TNIK: variants seen among roughly 807,000 people sequenced by gnomAD.
TNIK encodes the protein TRAF2 and NCK interacting kinase, also known as TRAF2 and NCK-interacting protein kinase.
Under a neutral mutation model 191.3 loss-of-function variants are expected in TNIK, and 49 were observed. The ratio of observed to expected loss-of-function variants is 0.26; its 90% CI spans 0.20 to 0.32. The LOEUF (loss-of-function observed/expected upper bound fraction) is 0.32, where lower values mean the gene tolerates loss of function less well. TNIK is among the 10% of genes least tolerant of loss of function. The pLI, the probability that TNIK is intolerant of heterozygous loss-of-function variation, is 1.00. For missense variants in TNIK, 1,155 were observed against 1,702.3 expected (o/e 0.68, Z 5.66); for synonymous variants, 594 against 600.9 (o/e 0.99, Z 0.17).
At position 171,087,366 on chromosome 3, in the gene TNIK, G is replaced by C; in HGVS notation, c.2862C>G (p.Ser954=). The C allele has an allele frequency of 6.2e-7, 1 of 1,613,922 alleles. No individual in the cohort carries two copies. Among genetic ancestry groups the C allele is most frequent in the Non-Finnish European group, 8.5e-7 (1 of 1,179,892 alleles). Residue 954 remains serine, a synonymous_variant, in exon 24 of 33, where the codon TCC becomes TCG. Transcript: ENST00000436636. ...CTTCAGTCCCAGAGTCCATCTCCTG[G>C]GAATGGGTTGAGACGCGCCCCAGTC... ...TEGLGRVSTH[S]QEMDSGTEYG...
chr3:171,360,821 C>T (rs546222008), intron 2 of TNIK, among the ~76,000 whole-genome samples: 14 of 152,334 alleles, frequency 9.2e-5, no homozygotes, highest in Non-Finnish European at 1.5e-4. Context: ...TCCCACAGCC[C>T]CCACAGATTT....
At chr3:171,099,375 A>ATT (rs35357404) in intron 22 of TNIK, among the ~76,000 whole-genome samples, 3,622 of 145,696 alleles carry the variant, frequency 0.025, 118 homozygotes, top group South Asian at 0.081. Flanking sequence ...TTACCTCAGG[A>ATT]TTTTTTTTTT....
rs747448096 is a variant in TNIK, at chr3:171,084,279, A to G, written c.3045T>C (p.Asn1015=). The G allele has an allele frequency of 6.2e-7, 1 of 1,613,870 alleles. No individual in the cohort carries two copies. Among genetic ancestry groups the G allele is most frequent in the South Asian group, 1.1e-5 (1 of 91,066 alleles). Residue 1015 remains asparagine, a synonymous_variant, in exon 26 of 33, where the codon AAT becomes AAC. Coordinates refer to ENST00000436636, the MANE Select transcript of TNIK (RefSeq NM_015028.4). ...ELLRQEQAKL[N]EARKISVVNV... ...TTACCACCGAAATCTTTCTTGCTTC[A>G]TTGAGTTTGGCCTGTTCTTGCCTAA...
At chr3:171,454,237 C>T (rs975332340) in intron 1 of TNIK, among the ~76,000 whole-genome samples, 1 of 152,114 alleles carries the variant, frequency 6.6e-6, no homozygotes, top group East Asian at 1.9e-4. Flanking sequence ...ATCACAGGAG[C>T]GCCTGGCTGG....
intron 1 of TNIK, among the ~76,000 whole-genome samples, chr3:171,441,011 C>T (rs987582347): frequency 5.3e-5 from 8 of 152,078 alleles, no homozygotes; most frequent in Middle Eastern, 3.2e-3. Context: ...ATGACAAGCG[C>T]TTCAGAATAA....
At chr3:171,185,178 CGTGTGTGTGTGTGTGTGTGT>C (rs148499254) in intron 7 of TNIK, among the ~76,000 whole-genome samples, 2 of 145,872 alleles carry the variant, frequency 1.4e-5, no homozygotes, top group African/African-American at 5.0e-5. Context: ...ATAGATTTCC[CGTGTGTGTGTGTGTGTGTGT>C]GTGTGTGTGT....
At chr3:171,278,492 A>G (rs1750038932) in intron 2 of TNIK, among the ~76,000 whole-genome samples, 1 of 152,216 alleles carries the variant, frequency 6.6e-6, no homozygotes, top group Non-Finnish European at 1.5e-5. Flanking sequence ...AAAAGATAAA[A>G]AAAATTTAAA....
chr3:171,233,270 A>G (rs930220356), intron 2 of TNIK, among the ~76,000 whole-genome samples: 1 of 152,012 alleles, frequency 6.6e-6, no homozygotes, highest in African/African-American at 2.4e-5. Flanking sequence ...ACAGAATACT[A>G]TCCCAACCCC....
intron 2 of TNIK, among the ~76,000 whole-genome samples, chr3:171,357,651 G>C (rs1336121477): frequency 6.6e-6 from 1 of 151,476 alleles, no homozygotes; most frequent in African/African-American, 2.4e-5. Context: ...TGGAATAGGA[G>C]ACAGCCAGAC....
Position 171,101,744 on chromosome 3 carries a change from A to G in TNIK, c.2407-111T>C, listed in dbSNP as rs138971777. ...AACAAGAAAAAAAAAAGCTCTATAT[A>G]GAACTGTGACAAACATAGTTACTGC... On this transcript the variant is annotated intron_variant, in intron 21 of 32. Transcript: ENST00000436636. 1.5e-4 allele frequency: 156 copies of G among 1,056,926 alleles called. No homozygotes were observed. The East Asian group carries it at 3.3e-3, about 23-fold the overall frequency. The allele number at this position is 1,056,926 out of a possible 1,614,324, so 65.5% of individuals were successfully genotyped here. A position where few individuals can be genotyped will look rare whatever the true frequency, so the allele number is the denominator to read the frequency against.
intron 7 of TNIK, among the ~76,000 whole-genome samples, chr3:171,185,586 G>A (rs911139959): frequency 1.1e-4 from 17 of 152,210 alleles, no homozygotes; most frequent in Non-Finnish European, 2.1e-4. Context: ...CAGCACACCC[G>A]GCAAATGAGA....
chr3:171,400,690 C>T (rs75638127), intron 1 of TNIK, among the ~76,000 whole-genome samples: 1,597 of 152,256 alleles, frequency 0.01, 27 homozygotes, highest in African/African-American at 0.035. Flanking sequence ...CCATATTATT[C>T]TTAATGTTGC....
chr3:171,269,332 T>G (rs1192324575), intron 2 of TNIK, among the ~76,000 whole-genome samples: 1 of 152,234 alleles, frequency 6.6e-6, no homozygotes, highest in Non-Finnish European at 1.5e-5. Flanking sequence ...TCCCCGAGTA[T>G]TCTTTAAACA....
chr3:171,198,678 T>G (rs1577096705), intron 4 of TNIK, among the ~76,000 whole-genome samples: 1 of 152,150 alleles, frequency 6.6e-6, no homozygotes, highest in Non-Finnish European at 1.5e-5. Context: ...TAGTTTTGGG[T>G]GCATAGGTGT....
chr3:171,229,382 G>A (rs1321379289), intron 2 of TNIK, among the ~76,000 whole-genome samples: 1 of 152,194 alleles, frequency 6.6e-6, no homozygotes, highest in East Asian at 1.9e-4. Context: ...TAGATGCTGT[G>A]GCATGTTTAT....
At chr3:171,278,525 C>T (rs1013085178) in intron 2 of TNIK, among the ~76,000 whole-genome samples, 2 of 151,984 alleles carry the variant, frequency 1.3e-5, no homozygotes, top group African/African-American at 2.4e-5. Flanking sequence ...CCAAAAAAAG[C>T]CACACTAGTC....
intron 22 of TNIK, among the ~76,000 whole-genome samples, chr3:171,100,560 G>A (rs894168808): frequency 6.6e-6 from 1 of 152,016 alleles, no homozygotes; most frequent in Non-Finnish European, 1.5e-5. Flanking sequence ...CAAAGAAATA[G>A]AGGTGATTGA....
At chr3:171,149,987 T>A (rs937567303) in intron 12 of TNIK, among the ~76,000 whole-genome samples, 4 of 152,164 alleles carry the variant, frequency 2.6e-5, no homozygotes, top group Non-Finnish European at 5.9e-5. Context: ...ATGGGGGAAT[T>A]AATTTTTCTT....
At chr3:171,416,317 G>A (rs184451623) in intron 1 of TNIK, among the ~76,000 whole-genome samples, 56 of 152,166 alleles carry the variant, frequency 3.7e-4, no homozygotes, top group African/African-American at 1.3e-3. Context: ...CTAAAAATAT[G>A]TAATCTGAAT....
Sources: allele counts gnomAD v4.1 joint callset (sites outside exome capture counted in the v4.1 genomes callset), GRCh38; gene constraint gnomAD v4.1.1; transcripts MANE v1.5; gene names NCBI Gene and HGNC (gene_info 2026-07-23, HGNC 2026-07-21).